The following SUN1 variants were observed in gnomAD, a reference collection of about 807,000 sequenced individuals.
The protein encoded by SUN1 is SUN domain-containing protein 1.
In SUN1, 61 loss-of-function variants were observed where a neutral mutation model predicts 103.2. The ratio of observed to expected loss-of-function variants is 0.59; its 90% CI spans 0.48 to 0.73. SUN1 has a LOEUF of 0.73. SUN1 is among the 30% of genes least tolerant of loss of function. SUN1 has a pLI of 0.00. For missense variants in SUN1, 1,052 were observed against 1,034.6 expected, an observed-to-expected ratio of 1.02 and a Z score of -0.23; for synonymous variants, 490 against 425.7, an observed-to-expected ratio of 1.15 and a Z score of -1.86.
Position 873,580 on chromosome 7 carries a change from C to T in SUN1, c.*249C>T, listed in dbSNP as rs183954047. On this transcript the variant is annotated 3_prime_UTR_variant, in exon 19 of 19. Coordinates refer to ENST00000401592, the MANE Select transcript of SUN1 (RefSeq NM_001130965.3). ...GTGTTGAACACGTGGCTCTCAGACA[C>T]TCCTTGTTTTTAACGGGAAGCTCTT... 4.9e-5 allele frequency: 21 copies of T among 430,626 alleles called. No homozygotes were observed. In the East Asian group the frequency reaches 7.8e-4, roughly 16 times the overall value. 26.7% of individuals were successfully genotyped at this position (430,626 alleles called of 1,614,324 possible).
chr7:843,073 T>TA, intron 3 of SUN1, 133 bp from the exon 4 acceptor site: 1 of 1,314,690 alleles, frequency 7.6e-7, no homozygotes, highest in South Asian at 1.3e-5. Flanking sequence ...TTTTAGGAAA[T>TA]AAACTGTGAC....
upstream of SUN1, among the ~76,000 whole-genome samples, chr7:827,595 G>A (rs112317014): frequency 6.7e-6 from 1 of 148,438 alleles, no homozygotes; most frequent in Non-Finnish European, 1.5e-5. Flanking sequence ...TCAGCCTCCC[G>A]AGTAGCTGGG....
At chr7:832,451 C>T (rs1798830306), upstream of SUN1, 10 of 1,464,114 alleles carry the variant, frequency 6.8e-6, no homozygotes, top group South Asian at 6.0e-5. Context: ...GACAGGAATG[C>T]GCTCGATTTC....
At chr7:824,810 C>G (rs1022449561) in intron 1 of SUN1, among the ~76,000 whole-genome samples, 3 of 148,524 alleles carry the variant, frequency 2.0e-5, no homozygotes, top group Non-Finnish European at 4.5e-5. Flanking sequence ...GTCGATATGG[C>G]TTTGCTGCTG....
intron 13 of SUN1, among the ~76,000 whole-genome samples, chr7:858,277 A>C (rs968471738): frequency 1.3e-5 from 2 of 151,688 alleles, no homozygotes; most frequent in South Asian, 4.2e-4. Flanking sequence ...CTGGTCTCAA[A>C]CTCCTGACTC....
At chr7:831,942 A>G (rs1246056796), upstream of SUN1, 18 of 645,740 alleles carry the variant, frequency 2.8e-5, no homozygotes, top group Non-Finnish European at 3.5e-5. Context: ...ACACTTTCTA[A>G]CCTAAAAAAT....
chr7:834,551 G>T (rs1801090742), intron 1 of SUN1, among the ~76,000 whole-genome samples: 1 of 152,212 alleles, frequency 6.6e-6, no homozygotes, highest in Non-Finnish European at 1.5e-5. Context: ...CTTGCGTTGG[G>T]TCCTTACACT....
chr7:851,277 G>A (rs1483963947), intron 5 of SUN1, 107 bp from the exon 6 acceptor site: 7 of 899,880 alleles, frequency 7.8e-6, no homozygotes, highest in East Asian at 5.4e-5. Context: ...TTGACCCACC[G>A]ATGCAGGCTT....
At chr7:866,396 TC>T (rs1175787888) in intron 16 of SUN1, among the ~76,000 whole-genome samples, 2 of 152,130 alleles carry the variant, frequency 1.3e-5, no homozygotes, top group South Asian at 2.1e-4. Flanking sequence ...CCGTGGGTCT[TC>T]CGTCACGAGA....
chr7:839,468 T>C (rs1356671746), intron 2 of SUN1, among the ~76,000 whole-genome samples: 1 of 152,280 alleles, frequency 6.6e-6, no homozygotes, highest in African/African-American at 2.4e-5. Context: ...CACTGCCTCC[T>C]CTGTCTCCCG....
At position 854,968 on chromosome 7, in the gene SUN1, T is replaced by G. The variant is rs372454766; in HGVS notation, c.1312T>G (p.Leu438Val). The G allele has an allele frequency of 1.2e-6, 2 of 1,613,964 alleles. No individual in the cohort carries two copies. The highest frequency in any genetic ancestry group is 1.7e-6 in the Non-Finnish European group (2 of 1,179,952). ...AGAACATGAAGTGCGTATGTCACAC[T>G]TGGAAGATATTCTGGGAAAACTGAG... ...HQEHEVRMSH[L>V]EDILGKLREK... The change falls in exon 11 of 19, where the codon TTG (leucine) becomes GTG (valine). Residue 438 changes from leucine to valine, a missense_variant. Leu to Val is a conservative substitution (Grantham distance 32). Around this residue, in one of 2 missense-constraint regions of SUN1, gnomAD observed 846 missense variants for 774.5 expected, o/e 1.09. Transcript: ENST00000401592.
At position 853,404 on chromosome 7, in the gene SUN1, T is replaced by C; in HGVS notation, c.1054-5T>C. Reference sequence around the variant, plus strand: ...CCTGGTTTCATTTCTCTCTTGCCATTTCAGGGTGACAGTGAGGCTTTTCCG... The same window carrying C: ...CCTGGTTTCATTTCTCTCTTGCCATCTCAGGGTGACAGTGAGGCTTTTCCG... On this transcript the variant is annotated splice_polypyrimidine_tract_variant and splice_region_variant and intron_variant, in intron 9 of 18. Coordinates refer to ENST00000401592, the MANE Select transcript of SUN1 (RefSeq NM_001130965.3). 1.9e-6 allele frequency: 3 copies of C among 1,613,390 alleles called. No homozygotes were observed. The highest frequency in any genetic ancestry group is 2.5e-6 in the Non-Finnish European group (3 of 1,180,012).
At position 870,284 on chromosome 7, in the gene SUN1, G is replaced by A. The variant is rs1377161150; in HGVS notation, c.2148+768G>A. Among the ~76,000 whole-genome samples, 3 of 151,418 alleles carry A rather than the reference G, an allele frequency of 2.0e-5. No individual in the cohort carries two copies. The East Asian group carries it at 5.9e-4, about 30-fold the overall frequency. On this transcript the variant is annotated intron_variant, in intron 17 of 18. Coordinates refer to ENST00000401592, the MANE Select transcript of SUN1 (RefSeq NM_001130965.3). ...AATTTTCATAAAGTATTTCATAAAA[G>A]TATTTTTGCCTTTAAAGAAAATTGG... is the stretch of plus-strand genomic sequence containing the variant.
At chr7:817,497 C>G (rs998011116) in intron 1 of SUN1, 1 of 1,535,992 alleles carries the variant, frequency 6.5e-7, no homozygotes, top group East Asian at 2.4e-5. Flanking sequence ...CTCCCCAGGA[C>G]AGGTGGGCGG....
intron 14 of SUN1, among the ~76,000 whole-genome samples, chr7:860,589 C>T (rs1831407173): frequency 6.6e-6 from 1 of 152,226 alleles, no homozygotes; most frequent in African/African-American, 2.4e-5. Context: ...CTCTTGCTGT[C>T]AGTGTCATTA....
rs1171257078 is a variant in SUN1 at position 853,633 on chromosome 7, G to T, written c.1263+15G>T. On this transcript the variant is annotated intron_variant, in intron 10 of 18. Transcript: ENST00000401592. ...CCCCGAGGGAGGTGGGTGCTGCCGG[G>T]CTACCAGGCTCCATGGTGACACCAA... is the stretch of plus-strand genomic sequence containing the variant. 2.5e-6 allele frequency: 4 copies of T among 1,597,358 alleles called. No individual in the cohort carries two copies. The South Asian group carries it at 3.3e-5, about 13-fold the overall frequency.
chr7:848,082 T>TTTC (rs1818124860), intron 5 of SUN1, among the ~76,000 whole-genome samples: 3 of 151,006 alleles, frequency 2.0e-5, no homozygotes, highest in African/African-American at 7.3e-5. Flanking sequence ...CTCTCTGGGA[T>TTTC]CTCCTGGGGG....
At chr7:835,592 C>T (rs958555936) in intron 1 of SUN1, among the ~76,000 whole-genome samples, 8 of 152,154 alleles carry the variant, frequency 5.3e-5, no homozygotes, top group African/African-American at 1.9e-4. Context: ...GTAGTTAAGT[C>T]TGGAAGTGCA....
At chr7:822,370 G>C (rs1305844526) in intron 1 of SUN1, among the ~76,000 whole-genome samples, 1 of 152,184 alleles carries the variant, frequency 6.6e-6, no homozygotes. Context: ...GGTAACATCT[G>C]TGTGACAGAC....
Sources: gnomAD v4.1 joint callset for allele counts (sites outside exome capture counted in the v4.1 genomes callset) on GRCh38, gnomAD v4.1.1 for gene constraint, gnomAD v4.1.1 regional missense constraint, MANE v1.5 for transcripts, NCBI Gene and HGNC (gene_info 2026-07-23, HGNC 2026-07-21) for gene names.